FBXO34: variants seen among roughly 807,000 people sequenced by gnomAD.
FBXO34 encodes the protein F-box only protein 34.
FBXO34 carries 12 observed loss-of-function variants against 24.5 expected under a neutral mutation model. The observed-to-expected ratio is 0.49, with a 90% CI of 0.31 to 0.79. The LOEUF is 0.79. Among genes scored for constraint, FBXO34 ranks in the 30% least tolerant of loss-of-function variants. The pLI, the probability that FBXO34 is intolerant of heterozygous loss-of-function variation, is 0.04. For missense variants in FBXO34, 823 were observed against 857.7 expected (o/e 0.96, Z 0.51); for synonymous variants, 320 against 311.9 (o/e 1.03, Z -0.27).
exon 3 of FBXO34, chr14:55,368,051 T>G (rs999311346): frequency 2.0e-5 from 3 of 152,656 alleles, no homozygotes; most frequent in African/African-American, 7.2e-5. Flanking sequence ...CTGTTAGGAC[T>G]CTTTCATAGG....
At chr14:55,327,106 C>G (rs1390796651) in intron 1 of FBXO34, among the ~76,000 whole-genome samples, 1 of 152,046 alleles carries the variant, frequency 6.6e-6, no homozygotes, top group African/African-American at 2.4e-5. Flanking sequence ...TGAGGACAGT[C>G]AGGGAGTGCC....
chr14:55,439,617 C>CCCCCGCCGCCCG, the FBXO34 span, among the ~76,000 whole-genome samples: 4 of 72,700 alleles, frequency 5.5e-5, no homozygotes, highest in East Asian at 2.3e-3. Context: ...AAAGCAAACC[C>CCCCCGCCGCCCG]CCCCCCGTCT....
intron 1 of FBXO34, among the ~76,000 whole-genome samples, chr14:55,327,876 A>C (rs1883392714): frequency 7.0e-6 from 1 of 142,920 alleles, no homozygotes; most frequent in African/African-American, 2.6e-5. Context: ...GATCTTAGCA[A>C]CCTCGTCATA....
At chr14:55,349,642 C>G (rs962140600) in intron 1 of FBXO34, among the ~76,000 whole-genome samples, 3 of 129,280 alleles carry the variant, frequency 2.3e-5, no homozygotes, top group Non-Finnish European at 3.2e-5. Context: ...AAGTCTCGCT[C>G]TGTTGCCCAG....
At chr14:55,398,256 A>G in the FBXO34 span, among the ~76,000 whole-genome samples, 1 of 151,980 alleles carries the variant, frequency 6.6e-6, no homozygotes, top group African/African-American at 2.4e-5. Context: ...CAGCATAGTT[A>G]TTATTTTCTA....
chr14:55,379,681 T>C, the FBXO34 span, among the ~76,000 whole-genome samples: 1 of 152,184 alleles, frequency 6.6e-6, no homozygotes, highest in Non-Finnish European at 1.5e-5. Flanking sequence ...AGTAGGAAGA[T>C]TGTAGTGCAA....
downstream of FBXO34, among the ~76,000 whole-genome samples, chr14:55,363,765 A>T (rs1478935042): frequency 2.0e-5 from 3 of 152,200 alleles, no homozygotes; most frequent in Non-Finnish European, 4.4e-5. Flanking sequence ...TTTTTAAAAA[A>T]TAGCTCAGTA....
intron 1 of FBXO34, among the ~76,000 whole-genome samples, chr14:55,274,337 CT>C (rs1359218428): frequency 6.6e-6 from 1 of 152,166 alleles, no homozygotes; most frequent in Non-Finnish European, 1.5e-5. Flanking sequence ...AAAAAGCCAG[CT>C]TGTGAGTGTT....
At chr14:55,343,430 T>C (rs1884056996) in intron 1 of FBXO34, among the ~76,000 whole-genome samples, 2 of 152,178 alleles carry the variant, frequency 1.3e-5, no homozygotes, top group South Asian at 4.2e-4. Flanking sequence ...TTTATATTTT[T>C]AGTAGAGATG....
the FBXO34 span, among the ~76,000 whole-genome samples, chr14:55,389,678 CTT>C: frequency 6.6e-6 from 1 of 152,174 alleles, no homozygotes; most frequent in African/African-American, 2.4e-5. Flanking sequence ...TAAACATGCT[CTT>C]TGAGTCTGAA....
the FBXO34 span, chr14:55,377,732 G>A: frequency 7.4e-6 from 7 of 939,736 alleles, no homozygotes; most frequent in South Asian, 1.4e-4. Flanking sequence ...TTTGGGATTA[G>A]GGAACACGAC....
intron 1 of FBXO34, among the ~76,000 whole-genome samples, chr14:55,323,223 A>ATTT (rs1566555885): frequency 5.4e-5 from 1 of 18,510 alleles, no homozygotes; most frequent in Non-Finnish European, 7.6e-5. Context: ...AAAAAAATAT[A>ATTT]TATTTTTTTT....
rs149488576 is a variant in FBXO34 at position 55,347,048 on chromosome 14, C to A, written c.-10-3333C>A. 4.6e-5 allele frequency among the ~76,000 whole-genome samples: 7 copies of A among 152,280 alleles called. No individual in the cohort carries two copies. In the South Asian group the frequency reaches 1.5e-3, roughly 32 times the overall value. On this transcript the variant is annotated intron_variant, in intron 1 of 1. Coordinates refer to ENST00000313833, the MANE Select transcript of FBXO34 (RefSeq NM_017943.4). Reference sequence around the variant, plus strand: ...CCCAGTCTGAGAAATTGTGATTCAGCGGGCCTAGGGGATCTTAATTTCTTC... The same window carrying A: ...CCCAGTCTGAGAAATTGTGATTCAGAGGGCCTAGGGGATCTTAATTTCTTC...
the FBXO34 span, chr14:55,413,661 A>G: frequency 3.4e-4 from 130 of 379,716 alleles, no homozygotes; most frequent in African/African-American, 3.5e-3. Context: ...TTGAACTCAG[A>G]CACCTCTCCC....
downstream of FBXO34, among the ~76,000 whole-genome samples, chr14:55,356,245 C>T (rs1441761332): frequency 3.3e-5 from 5 of 152,214 alleles, no homozygotes; most frequent in Non-Finnish European, 7.3e-5. Context: ...CTTCACTCAG[C>T]AGACTGGCTG....
chr14:55,395,291 T>C, the FBXO34 span: 1 of 289,968 alleles, frequency 3.4e-6, no homozygotes, highest in East Asian at 1.1e-4. Context: ...ATCTAGAGCC[T>C]CAGCAAAGCC....
chr14:55,315,862 A>G (rs1432762438), intron 1 of FBXO34, among the ~76,000 whole-genome samples: 1 of 152,172 alleles, frequency 6.6e-6, no homozygotes, highest in African/African-American at 2.4e-5. Flanking sequence ...CATTGTGAGT[A>G]ATTATGAACC....
intron 1 of FBXO34, among the ~76,000 whole-genome samples, chr14:55,273,887 C>A (rs977168141): frequency 2.0e-5 from 3 of 152,104 alleles, no homozygotes; most frequent in African/African-American, 7.2e-5. Flanking sequence ...CTCACTGCAA[C>A]CTCCGCCTCC....
downstream of FBXO34, chr14:55,368,378 C>T (rs939012265): frequency 6.6e-6 from 1 of 152,278 alleles, no homozygotes; most frequent in Non-Finnish European, 1.5e-5. Context: ...CGCCACCACA[C>T]CCGGTAATTT....
Sources: gnomAD v4.1 joint callset for allele counts (sites outside exome capture counted in the v4.1 genomes callset) on GRCh38, gnomAD v4.1.1 for gene constraint, MANE v1.5 for transcripts, NCBI Gene and HGNC (gene_info 2026-07-23, HGNC 2026-07-21) for gene names.